The following TMEM74B variants were observed in gnomAD, a reference collection of about 807,000 sequenced individuals.
TMEM74B encodes transmembrane protein C20orf46.
TMEM74B carries 7 observed loss-of-function variants against 6.5 expected under a neutral mutation model. The ratio of observed to expected loss-of-function variants is 1.07; its 90% CI spans 0.61 to 2.01. The LOEUF (loss-of-function observed/expected upper bound fraction) is 2.01, where lower values mean the gene tolerates loss of function less well. TMEM74B is among the 30% of genes most tolerant of loss of function. The probability of loss-of-function intolerance (pLI) is 0.00; values close to 1 mark genes in which losing one functional copy is unlikely to be tolerated. For missense variants in TMEM74B, 342 were observed against 337.0 expected, an observed-to-expected ratio of 1.01 and a Z score of -0.12; for synonymous variants, 151 against 151.6, an observed-to-expected ratio of 1.00 and a Z score of 0.03.
At position 1,181,313 on chromosome 20, in the gene TMEM74B, C is replaced by G; in HGVS notation, c.306G>C (p.Leu102=). 6.2e-7 allele frequency: 1 copy of G among 1,608,152 alleles called. No individual in the cohort carries two copies. Among genetic ancestry groups the G allele is most frequent in the Non-Finnish European group, 8.5e-7 (1 of 1,176,582 alleles). The part of the protein sequence containing the change: ...SSLPRSQRDD[L]SLHSEEGPAL... ...CTGGCCCCTCCTCTGAATGAAGGGACAGATCATCCCGCTGGGATCGGGGCA... is the reference window on the plus strand; with the variant it reads ...CTGGCCCCTCCTCTGAATGAAGGGAGAGATCATCCCGCTGGGATCGGGGCA... The change falls in exon 3 of 3, where the codon CTG becomes CTC. Residue 102 remains leucine (L), a synonymous_variant. Coordinates refer to ENST00000429036, the MANE Select transcript of TMEM74B (RefSeq NM_001304748.2). The surrounding 1 kb of genome is among the most constrained non-coding windows in gnomAD (Gnocchi z 4.9).
upstream of TMEM74B, among the ~76,000 whole-genome samples, chr20:1,186,739 C>T (rs915405584): frequency 2.6e-5 from 4 of 152,180 alleles, no homozygotes; most frequent in Non-Finnish European, 4.4e-5. Flanking sequence ...GATGCCTGTG[C>T]CTTCAAGGCC....
chr20:1,181,011 TC>T lies in TMEM74B; in HGVS notation c.607del (p.Glu203SerfsTer25). 1 of 1,613,878 alleles carries T rather than the reference TC, an allele frequency of 6.2e-7. No homozygotes were observed. Among genetic ancestry groups the T allele is most frequent in the Non-Finnish European group, 8.5e-7 (1 of 1,179,952 alleles). ...GACGAAGGTCCTCCGGCGGTACAGC[TC>T]GCCCTTGCACAGGGAGACCATGAGC... ...VLLMVSLCKG[E>X]LYRRRTFVPG... is the part of the protein sequence containing the mutation. On this transcript the variant is annotated frameshift_variant, in exon 3 of 3. Coordinates refer to ENST00000429036, the MANE Select transcript of TMEM74B (RefSeq NM_001304748.2). LOFTEE classifies it low-confidence loss of function (END_TRUNC). This position sits in a 1 kb window ranked among gnomAD's most constrained non-coding sequence, Gnocchi z 4.9.
upstream of TMEM74B, among the ~76,000 whole-genome samples, chr20:1,188,666 C>T (rs1218372139): frequency 6.6e-6 from 1 of 151,906 alleles, no homozygotes; most frequent in Non-Finnish European, 1.5e-5. Context: ...ACTACACACA[C>T]ACCACACACA....
In TMEM74B at chr20:1,181,758, C is replaced by T. The variant is rs576026887; in HGVS notation, c.32-171G>A. ...AAGACGATGACAGAACAGTGTGATC[C>T]AAGCCCAGATCCCACTCTACCACCG... On this transcript the variant is annotated intron_variant, in intron 2 of 2. Transcript: ENST00000429036. The surrounding 1 kb of genome is among the most constrained non-coding windows in gnomAD (Gnocchi z 4.9). 3.3e-5 allele frequency among the ~76,000 whole-genome samples: 5 copies of T among 152,302 alleles called. No homozygotes were observed. The South Asian group carries it at 6.2e-4, about 19-fold the overall frequency.
upstream of TMEM74B, among the ~76,000 whole-genome samples, chr20:1,187,936 A>T (rs928420422): frequency 6.6e-6 from 1 of 152,160 alleles, no homozygotes; most frequent in East Asian, 1.9e-4. Context: ...CCTCTTTTGC[A>T]TGAGAATTTG....
In TMEM74B at chr20:1,181,203, G is replaced by A; in HGVS notation, c.416C>T (p.Thr139Ile). The A allele has an allele frequency of 6.2e-7, 1 of 1,614,182 alleles. No individual in the cohort carries two copies. The highest frequency in any genetic ancestry group is 2.2e-5 in the East Asian group (1 of 44,882). The change falls in exon 3 of 3, where the codon ACA becomes ATA. Residue 139 changes from threonine (T) to isoleucine (I), a missense_variant. By Grantham distance (89) the Thr-to-Ile change is moderately conservative. Coordinates refer to ENST00000429036, the MANE Select transcript of TMEM74B (RefSeq NM_001304748.2). This position sits in a 1 kb window ranked among gnomAD's most constrained non-coding sequence, Gnocchi z 4.9. ...AGCCTCACGGGGGATGGCGTATGCT[G>A]TCACCACCAGAAGAATCCCACTCAC... Reference protein sequence around the residue: ...FLVSGILLVVTAYAIPREARV... With the variant: ...FLVSGILLVVIAYAIPREARV...
intron 2 of TMEM74B, among the ~76,000 whole-genome samples, chr20:1,182,815 G>C (rs1365479065): frequency 6.6e-6 from 1 of 152,158 alleles, no homozygotes; most frequent in African/African-American, 2.4e-5. Flanking sequence ...TAGAAGTTTT[G>C]CTTTGTTTTG....
rs1401791209 is a variant in TMEM74B at position 1,184,655 on chromosome 20, CAA to C, written c.-503_-502del. On this transcript the variant is annotated 5_prime_UTR_variant, in exon 1 of 3. Coordinates refer to ENST00000429036, the MANE Select transcript of TMEM74B (RefSeq NM_001304748.2). The surrounding 1 kb of genome is among the most constrained non-coding windows in gnomAD (Gnocchi z 6.0). Reference sequence around the variant, plus strand: ...ACACACACACACACACACACACACACAAAGTGCCCCTGGGAGTGAGACCCAAG... The same window carrying C: ...ACACACACACACACACACACACACACAGTGCCCCTGGGAGTGAGACCCAAG... 3 of 144,618 alleles carry C rather than the reference CAA, an allele frequency of 2.1e-5. No homozygotes were observed. Among genetic ancestry groups the C allele is most frequent in the Admixed American group, 6.8e-5 (1 of 14,768 alleles). 9.0% of individuals were successfully genotyped at this position (144,618 alleles called of 1,614,324 possible). A position where few individuals can be genotyped will look rare whatever the true frequency, so the allele number is the denominator to read the frequency against.
At chr20:1,183,316 T>TTGTGTGTG (rs755754000) in intron 2 of TMEM74B, among the ~76,000 whole-genome samples, 2,340 of 95,544 alleles carry the variant, frequency 0.024, 61 homozygotes, top group African/African-American at 0.077. Flanking sequence ...GTGTGTGTGT[T>TTGTGTGTG]TGTGTGTGTG....
rs75749235 is a variant in TMEM74B at position 1,183,255 on chromosome 20, C to T, written c.31+516G>A. ...CACACGATTCTCTGCATTCTCATGC[C>T]GGAGTTTATTCTCCAGTGCACTGTG... On this transcript the variant is annotated intron_variant, in intron 2 of 2. Transcript: ENST00000429036. Among the ~76,000 whole-genome samples, 5 of 151,390 alleles carry T rather than the reference C, an allele frequency of 3.3e-5. No individual in the cohort carries two copies. In the East Asian group the frequency reaches 7.7e-4, roughly 23 times the overall value.
At chr20:1,186,819 G>GT (rs1267133132), upstream of TMEM74B, among the ~76,000 whole-genome samples, 1 of 152,102 alleles carries the variant, frequency 6.6e-6, no homozygotes, top group Non-Finnish European at 1.5e-5. Context: ...CCTTGCAGAG[G>GT]CCTGGCCCGT....
At chr20:1,186,440 T>C (rs1377363853), upstream of TMEM74B, 1 of 152,038 alleles carries the variant, frequency 6.6e-6, no homozygotes, top group Non-Finnish European at 1.5e-5. Context: ...ACAGCTTTGG[T>C]CTGAATCGTG....
upstream of TMEM74B, chr20:1,186,476 A>C (rs915508461): frequency 6.6e-6 from 1 of 152,002 alleles, no homozygotes; most frequent in Non-Finnish European, 1.5e-5. Context: ...CACGGTGACC[A>C]GCTGAATCGT....
chr20:1,181,363 T>C lies in TMEM74B; in HGVS notation c.256A>G (p.Ser86Gly). 3 of 1,556,516 alleles carry C rather than the reference T, an allele frequency of 1.9e-6. No individual in the cohort carries two copies. The highest frequency in any genetic ancestry group is 2.6e-6 in the Non-Finnish European group (3 of 1,149,078). The change falls in exon 3 of 3, where the codon AGT becomes GGT. Residue 86 changes from serine (S) to glycine (G), a missense_variant. Transcript: ENST00000429036. This position sits in a 1 kb window ranked among gnomAD's most constrained non-coding sequence, Gnocchi z 4.9. Reference sequence around the variant, plus strand: ...AGTGAGGAGACACCCCCAGGGGGACTGGGTGAGCTGCCCAGTCTCGTGTTC... The same window carrying C: ...AGTGAGGAGACACCCCCAGGGGGACCGGGTGAGCTGCCCAGTCTCGTGTTC... ...PGNTRLGSSP[S>G]PPGGVSSLPR...
At chr20:1,188,622 C>A (rs1304458253), upstream of TMEM74B, among the ~76,000 whole-genome samples, 1 of 132,804 alleles carries the variant, frequency 7.5e-6, no homozygotes, top group Non-Finnish European at 1.8e-5. Flanking sequence ...TACACACACA[C>A]CACACACATA....
At chr20:1,183,275 A>G (rs562818763) in intron 2 of TMEM74B, among the ~76,000 whole-genome samples, 5 of 144,454 alleles carry the variant, frequency 3.5e-5, no homozygotes, top group Non-Finnish European at 6.1e-5. Context: ...TCTCCAGTGC[A>G]CTGTGGTTCG....
At position 1,181,090 on chromosome 20, in the gene TMEM74B, T is replaced by G; in HGVS notation, c.529A>C (p.Ile177Leu). The change falls in exon 3 of 3, where the codon ATC (isoleucine) becomes CTC (leucine). Residue 177 changes from isoleucine to leucine, a missense_variant. Physicochemically the swap from Ile to Leu is conservative, Grantham distance 5. Transcript: ENST00000429036. The surrounding 1 kb of genome is among the most constrained non-coding windows in gnomAD (Gnocchi z 4.9). Reference sequence around the variant, plus strand: ...GTGAGCAGCCCGAGGCCTGCGATGATGCACCTGTCCAGGTGGGAGCCTAGG... The same window carrying G: ...GTGAGCAGCCCGAGGCCTGCGATGAGGCACCTGTCCAGGTGGGAGCCTAGG... Reference protein sequence around the residue: ...ARLGSHLDRCIIAGLGLLTVG... With the variant: ...ARLGSHLDRCLIAGLGLLTVG... 1 of 1,613,658 alleles carries G rather than the reference T, an allele frequency of 6.2e-7. No homozygotes were observed. Among genetic ancestry groups the G allele is most frequent in the Non-Finnish European group, 8.5e-7 (1 of 1,179,922 alleles).
At chr20:1,186,527 A>C (rs1312506631), upstream of TMEM74B, 2 of 152,086 alleles carry the variant, frequency 1.3e-5, no homozygotes, top group Non-Finnish European at 2.9e-5. Flanking sequence ...GCCTGTATCC[A>C]CTTCTGTCCA....
At chr20:1,186,513 C>A (rs1332193501), upstream of TMEM74B, 3 of 151,938 alleles carry the variant, frequency 2.0e-5, no homozygotes, top group Non-Finnish European at 2.9e-5. Context: ...CCTCTGGCCT[C>A]TGAGCCTGTA....
Sources: allele counts gnomAD v4.1 joint callset (sites outside exome capture counted in the v4.1 genomes callset), GRCh38; gene constraint gnomAD v4.1.1; non-coding constraint Gnocchi (gnomAD v3.1); transcripts MANE v1.5; gene names NCBI Gene and HGNC (gene_info 2026-07-23, HGNC 2026-07-21).